The following SNTG1 variants were observed in gnomAD, a reference collection of about 807,000 sequenced individuals.
SNTG1 encodes the protein gamma-1-syntrophin.
SNTG1 carries 39 observed loss-of-function variants against 74.7 expected under a neutral mutation model. The observed-to-expected ratio is 0.52, with a 90% CI of 0.40 to 0.68. SNTG1 has a LOEUF of 0.68. Ranked by LOEUF, SNTG1 falls within the 30% of genes least tolerant of loss-of-function variation. SNTG1 has a pLI of 0.00. For missense variants in SNTG1, 685 were observed against 609.5 expected, an observed-to-expected ratio of 1.12 and a Z score of -1.30; for synonymous variants, 254 against 217.1, an observed-to-expected ratio of 1.17 and a Z score of -1.49.
At chr8:50,529,019 G>A (rs1463190766) in intron 9 of SNTG1, among the ~76,000 whole-genome samples, 5 of 150,574 alleles carry the variant, frequency 3.3e-5, no homozygotes, top group Admixed American at 3.3e-4. Flanking sequence ...CCTTCTTTTG[G>A]TGTATGTATT....
chr8:50,723,302 T>C (rs1295774044), intron 17 of SNTG1, among the ~76,000 whole-genome samples: 1 of 152,214 alleles, frequency 6.6e-6, no homozygotes, highest in Non-Finnish European at 1.5e-5. Flanking sequence ...TTATTTCTTT[T>C]GCTCTCTCCT....
At chr8:50,705,745 G>A (rs1220144401) in intron 16 of SNTG1, among the ~76,000 whole-genome samples, 3 of 152,132 alleles carry the variant, frequency 2.0e-5, no homozygotes, top group Non-Finnish European at 4.4e-5. Flanking sequence ...TGTTTCTTAA[G>A]TGTGAAGTTA....
At chr8:50,320,950 A>T (rs908586063) in intron 2 of SNTG1, among the ~76,000 whole-genome samples, 1 of 152,134 alleles carries the variant, frequency 6.6e-6, no homozygotes, top group Non-Finnish European at 1.5e-5. Flanking sequence ...TATCTTTAAG[A>T]ATGATCCACA....
At chr8:50,086,933 T>C (rs537248480) in intron 1 of SNTG1, among the ~76,000 whole-genome samples, 2 of 152,176 alleles carry the variant, frequency 1.3e-5, no homozygotes, top group Non-Finnish European at 2.9e-5. Flanking sequence ...GAAACGGACA[T>C]TGTTTTCAGA....
intron 18 of SNTG1, among the ~76,000 whole-genome samples, chr8:50,791,445 A>G (rs929488342): frequency 7.2e-5 from 11 of 152,022 alleles, no homozygotes; most frequent in African/African-American, 2.6e-4. Flanking sequence ...TATGTCTTCT[A>G]TATTATAGGG....
intron 1 of SNTG1, among the ~76,000 whole-genome samples, chr8:50,098,927 A>C (rs2080027813): frequency 6.6e-6 from 1 of 152,148 alleles, no homozygotes; most frequent in Non-Finnish European, 1.5e-5. Flanking sequence ...TGAACAAATC[A>C]CACTATTGTT....
At chr8:50,101,741 A>C (rs1298699707) in intron 1 of SNTG1, among the ~76,000 whole-genome samples, 1 of 151,778 alleles carries the variant, frequency 6.6e-6, no homozygotes, top group Non-Finnish European at 1.5e-5. Flanking sequence ...CCAGAGTGTA[A>C]TGTTCCCCTT....
intron 8 of SNTG1, among the ~76,000 whole-genome samples, chr8:50,473,115 T>C (rs910471014): frequency 2.0e-4 from 31 of 152,160 alleles, no homozygotes; most frequent in African/African-American, 7.0e-4. Context: ...GTTCCCCAAG[T>C]GTCAAGGGAG....
At chr8:50,734,862 T>C (rs1231256226) in intron 17 of SNTG1, among the ~76,000 whole-genome samples, 3 of 126,214 alleles carry the variant, frequency 2.4e-5, no homozygotes, top group African/African-American at 9.9e-5. Flanking sequence ...TATATATATC[T>C]ATATATATGG....
intron 18 of SNTG1, among the ~76,000 whole-genome samples, chr8:50,778,694 G>A (rs1194320053): frequency 6.9e-6 from 1 of 144,602 alleles, no homozygotes; most frequent in Non-Finnish European, 1.5e-5. Context: ...CTGTGCAGAA[G>A]CTCTTTAGTT....
intron 2 of SNTG1, among the ~76,000 whole-genome samples, chr8:50,216,323 CAT>C (rs2084790568): frequency 6.6e-6 from 1 of 152,182 alleles, no homozygotes; most frequent in Non-Finnish European, 1.5e-5. Flanking sequence ...CTTTGTTTCA[CAT>C]GTTGTCTTTT....
At chr8:50,672,659 T>C (rs2095290086) in intron 15 of SNTG1, among the ~76,000 whole-genome samples, 1 of 152,220 alleles carries the variant, frequency 6.6e-6, no homozygotes, top group Non-Finnish European at 1.5e-5. Context: ...TGATGATAGT[T>C]TATTTTGCTG....
chr8:50,536,068 G>A lies in SNTG1; in HGVS notation c.550-610G>A, dbSNP rs114757449. Among the ~76,000 whole-genome samples the A allele has an allele frequency of 2.6e-3, 400 of 152,242 alleles. 2 individuals carry two copies. Among genetic ancestry groups the A allele is most frequent in the African/African-American group, 9.3e-3 (388 of 41,554 alleles). ...AGCTCTAACAAAACTTAATGTATGT[G>A]TAATTTTAAGCCAGCAGTAGTTGCC... is the stretch of plus-strand genomic sequence containing the variant. On this transcript the variant is annotated intron_variant, in intron 10 of 18. Coordinates refer to ENST00000642720, the MANE Select transcript of SNTG1 (RefSeq NM_018967.5).
At chr8:50,663,964 G>T (rs1438468697) in intron 15 of SNTG1, among the ~76,000 whole-genome samples, 1 of 152,018 alleles carries the variant, frequency 6.6e-6, no homozygotes, top group Non-Finnish European at 1.5e-5. Context: ...ATTCTATCCT[G>T]ATGACTCCAA....
At chr8:50,773,045 T>G (rs760470200) in intron 18 of SNTG1, among the ~76,000 whole-genome samples, 10 of 152,088 alleles carry the variant, frequency 6.6e-5, no homozygotes, top group Non-Finnish European at 1.5e-4. Flanking sequence ...ATAAACCTCT[T>G]TTTTCTGTAA....
chr8:50,044,855 A>G (rs1175391479), intron 1 of SNTG1, among the ~76,000 whole-genome samples: 1 of 152,214 alleles, frequency 6.6e-6, no homozygotes, highest in African/African-American at 2.4e-5. Context: ...GACTTAAGAG[A>G]TGATTTTATG....
At chr8:50,568,227 TTGTG>T (rs1554576692) in intron 12 of SNTG1, among the ~76,000 whole-genome samples, 14 of 146,282 alleles carry the variant, frequency 9.6e-5, no homozygotes, top group Non-Finnish European at 1.8e-4. Context: ...TTGTCCATGT[TTGTG>T]TGTGTGTGTG....
intron 1 of SNTG1, among the ~76,000 whole-genome samples, chr8:50,162,961 C>CT (rs1198797000): frequency 6.6e-6 from 1 of 152,188 alleles, no homozygotes; most frequent in Non-Finnish European, 1.5e-5. Context: ...GGAAGCCTTT[C>CT]TAATGGCTCA....
At chr8:50,089,923 CTATAAAT>C (rs1474718176) in intron 1 of SNTG1, among the ~76,000 whole-genome samples, 4 of 152,022 alleles carry the variant, frequency 2.6e-5, no homozygotes, top group Non-Finnish European at 5.9e-5. Context: ...ACCCAAATGA[CTATAAAT>C]CATGCTGCTA....
Sources: gnomAD v4.1 joint callset for allele counts (sites outside exome capture counted in the v4.1 genomes callset) on GRCh38, gnomAD v4.1.1 for gene constraint, MANE v1.5 for transcripts, NCBI Gene and HGNC (gene_info 2026-07-23, HGNC 2026-07-21) for gene names.